TBKBP1: variants seen among roughly 807,000 people sequenced by gnomAD.
TBKBP1 encodes the protein TANK-binding kinase 1-binding protein 1.
Under a neutral mutation model 69.9 loss-of-function variants are expected in TBKBP1, and 47 were observed. The ratio of observed to expected loss-of-function variants is 0.67; its 90% CI spans 0.53 to 0.86. The LOEUF (loss-of-function observed/expected upper bound fraction) is 0.86. Among genes scored for constraint, TBKBP1 ranks in the 40% least tolerant of loss-of-function variants. The pLI, the probability that TBKBP1 is intolerant of heterozygous loss-of-function variation, is 0.00. For missense variants in TBKBP1, 831 were observed against 858.6 expected, an observed-to-expected ratio of 0.97 and a Z score of 0.40; for synonymous variants, 418 against 390.3, an observed-to-expected ratio of 1.07 and a Z score of -0.84.
Position 47,708,556 on chromosome 17 carries a change from A to G in TBKBP1, c.991+44A>G. ...GGGGGAGGCAGCCGCGGGACCCGGG[A>G]AGGAGCGGGTAGCCATGGCAACCAT... On this transcript the variant is annotated intron_variant, in intron 8 of 9. Coordinates refer to ENST00000578982, the MANE Select transcript of TBKBP1 (RefSeq NM_001394755.1). The surrounding 1 kb of genome is among the most constrained non-coding windows in gnomAD (Gnocchi z 4.4). 6.3e-7 allele frequency: 1 copy of G among 1,598,950 alleles called. No homozygotes were observed. Among genetic ancestry groups the G allele is most frequent in the Non-Finnish European group, 8.6e-7 (1 of 1,168,258 alleles).
chr17:47,697,863 C>T (rs776777335), intron 4 of TBKBP1, among the ~76,000 whole-genome samples: 16 of 149,080 alleles, frequency 1.1e-4, no homozygotes, highest in South Asian at 2.1e-4. Context: ...GTGGGAGGAT[C>T]GCTTTAGCCC....
intron 4 of TBKBP1, 61 bp from the exon 5 acceptor site, chr17:47,698,534 C>T (rs905263608): frequency 1.3e-6 from 2 of 1,484,898 alleles, no homozygotes; most frequent in African/African-American, 2.8e-5. Flanking sequence ...GGGGTGATGA[C>T]TCTCCAGACA....
At chr17:47,704,236 G>A (rs1468421605) in intron 7 of TBKBP1, among the ~76,000 whole-genome samples, 2 of 152,222 alleles carry the variant, frequency 1.3e-5, no homozygotes, top group South Asian at 2.1e-4. Context: ...GTGGATTCGT[G>A]GCAGGGGCTG....
At chr17:47,707,105 T>C (rs2031728854) in intron 7 of TBKBP1, among the ~76,000 whole-genome samples, 1 of 152,224 alleles carries the variant, frequency 6.6e-6, no homozygotes, top group Non-Finnish European at 1.5e-5. Context: ...CCCGAGTCCC[T>C]TCTGGAGCTG....
At chr17:47,701,190 T>G (rs1159219327) in intron 7 of TBKBP1, among the ~76,000 whole-genome samples, 1 of 152,014 alleles carries the variant, frequency 6.6e-6, no homozygotes, top group Non-Finnish European at 1.5e-5. Flanking sequence ...AGGGCTTGGG[T>G]GGAGCTGTGA....
chr17:47,708,712 G>C lies in TBKBP1; in HGVS notation c.992-13G>C. 4 of 1,481,658 alleles carry C rather than the reference G, an allele frequency of 2.7e-6. No homozygotes were observed. The highest frequency in any genetic ancestry group is 3.6e-6 in the Non-Finnish European group (4 of 1,122,112). 91.8% of individuals were successfully genotyped at this position (1,481,658 alleles called of 1,614,324 possible). A position where few individuals can be genotyped will look rare whatever the true frequency, so the allele number is the denominator to read the frequency against. ...ACCTTTGTCCCCCCACCCCGTCCCG[G>C]TTTCTCTTCCAGGCCAGAGGCACTC... is the stretch of plus-strand genomic sequence containing the variant. On this transcript the variant is annotated splice_polypyrimidine_tract_variant and intron_variant, in intron 8 of 9. Transcript: ENST00000578982. The surrounding 1 kb of genome is among the most constrained non-coding windows in gnomAD (Gnocchi z 4.4).
chr17:47,701,125 T>C (rs1252369275), intron 7 of TBKBP1, among the ~76,000 whole-genome samples: 1 of 152,086 alleles, frequency 6.6e-6, no homozygotes, highest in Non-Finnish European at 1.5e-5. Context: ...CTTATCTGCC[T>C]CCCAGCTTCT....
Position 47,708,637 on chromosome 17 carries a change from A to G in TBKBP1, c.992-88A>G. The G allele has an allele frequency of 7.0e-7, 1 of 1,421,322 alleles. No individual in the cohort carries two copies. The highest frequency in any genetic ancestry group is 2.1e-5 in the Admixed American group (1 of 48,132). The allele number at this position is 1,421,322 out of a possible 1,614,324, so 88.0% of individuals were successfully genotyped here. A position where few individuals can be genotyped will look rare whatever the true frequency, so the allele number is the denominator to read the frequency against. On this transcript the variant is annotated intron_variant, in intron 8 of 9. Transcript: ENST00000578982. The surrounding 1 kb of genome is among the most constrained non-coding windows in gnomAD (Gnocchi z 4.4). ...TTCCTGTGGCCTGGAGTTGGTGGGC[A>G]TGGGTCCGGGCAAGCCCCTGGCGCT... is the stretch of plus-strand genomic sequence containing the variant.
intron 7 of TBKBP1, 125 bp downstream of exon 7, chr17:47,699,822 TTC>T: frequency 5.5e-6 from 6 of 1,095,478 alleles, no homozygotes; most frequent in South Asian, 2.9e-5. Context: ...GGAGGTGGGG[TTC>T]TTTTTTTTTT....
At chr17:47,702,203 C>G (rs540734755) in intron 7 of TBKBP1, among the ~76,000 whole-genome samples, 82 of 152,344 alleles carry the variant, frequency 5.4e-4, no homozygotes, top group African/African-American at 1.9e-3. Flanking sequence ...TCTTCCCCCA[C>G]TAGTGCCCCT....
intron 9 of TBKBP1, 132 bp downstream of exon 9, chr17:47,709,584 C>T (rs965279912): frequency 1.5e-6 from 2 of 1,305,258 alleles, no homozygotes; most frequent in African/African-American, 1.6e-5. Flanking sequence ...CCTTGGACCC[C>T]GGGCCACAGT....
chr17:47,695,813 T>A (rs1445429224), intron 1 of TBKBP1: 1 of 325,536 alleles, frequency 3.1e-6, no homozygotes, highest in Admixed American at 4.4e-5. Flanking sequence ...AGCCTGCCCC[T>A]GCTGCCGGCC....
chr17:47,702,146 C>T (rs2031531466), intron 7 of TBKBP1, among the ~76,000 whole-genome samples: 1 of 152,206 alleles, frequency 6.6e-6, no homozygotes, highest in Admixed American at 6.5e-5. Flanking sequence ...GTGCTCCCTC[C>T]CCTGTCCTTC....
Position 47,709,181 on chromosome 17 carries a change from C to T in TBKBP1, c.1448C>T (p.Ala483Val). Reference sequence around the variant, plus strand: ...TCCCCGCCCTGGCTGCAGGCCGAAGCGGCCACTCTCCCCAAGCCCCGGGCC... The same window carrying T: ...TCCCCGCCCTGGCTGCAGGCCGAAGTGGCCACTCTCCCCAAGCCCCGGGCC... ...GASPPWLQAEAATLPKPRAYG... is the reference protein window; with the variant it reads ...GASPPWLQAEVATLPKPRAYG... The change falls in exon 9 of 10, where the codon GCG (alanine) becomes GTG (valine). Residue 483 changes from alanine to valine, a missense_variant. Ala to Val is a moderately conservative substitution (Grantham distance 64, BLOSUM62 0). Coordinates refer to ENST00000578982, the MANE Select transcript of TBKBP1 (RefSeq NM_001394755.1). The T allele has an allele frequency of 1.4e-6, 2 of 1,478,150 alleles. No homozygotes were observed. Among genetic ancestry groups the T allele is most frequent in the Non-Finnish European group, 1.8e-6 (2 of 1,123,276 alleles). The allele number at this position is 1,478,150 out of a possible 1,614,324, so 91.6% of individuals were successfully genotyped here.
chr17:47,695,737 A>C, intron 1 of TBKBP1: 1 of 193,710 alleles, frequency 5.2e-6, no homozygotes. Flanking sequence ...AGCGCGGAGG[A>C]ATGGGCCGGG....
At chr17:47,694,440 G>A (rs1000939098) in intron 1 of TBKBP1, among the ~76,000 whole-genome samples, 2 of 151,946 alleles carry the variant, frequency 1.3e-5, no homozygotes, top group African/African-American at 4.8e-5. Context: ...GGGGCCCAGG[G>A]CTCGGCCGGT....
chr17:47,700,323 T>G (rs1467560729), intron 7 of TBKBP1, among the ~76,000 whole-genome samples: 1 of 139,620 alleles, frequency 7.2e-6, no homozygotes, highest in African/African-American at 2.8e-5. Flanking sequence ...TTTTGGATTT[T>G]TAGTAGAGAT....
At chr17:47,700,959 C>G (rs1004480667) in intron 7 of TBKBP1, among the ~76,000 whole-genome samples, 2 of 152,166 alleles carry the variant, frequency 1.3e-5, no homozygotes, top group Non-Finnish European at 2.9e-5. Context: ...CTCTTTCCGC[C>G]TAAGTCCTCT....
chr17:47,703,715 C>T (rs2031601283), intron 7 of TBKBP1, among the ~76,000 whole-genome samples: 1 of 152,194 alleles, frequency 6.6e-6, no homozygotes, highest in Non-Finnish European at 1.5e-5. Context: ...CCCTTCTCCA[C>T]CTATCTGCTA....
Sources: gnomAD v4.1 joint callset for allele counts (sites outside exome capture counted in the v4.1 genomes callset) on GRCh38, gnomAD v4.1.1 for gene constraint, Gnocchi (gnomAD v3.1) non-coding constraint, MANE v1.5 for transcripts, NCBI Gene and HGNC (gene_info 2026-07-23, HGNC 2026-07-21) for gene names.